SYNE3: variants seen among roughly 807,000 people sequenced by gnomAD.
The protein encoded by SYNE3 is nesprin-3.
Under a neutral mutation model 111.2 loss-of-function variants are expected in SYNE3, and 100 were observed. The ratio of observed to expected loss-of-function variants is 0.90; its 90% CI spans 0.77 to 1.06. The LOEUF is 1.06. Ranked by LOEUF, SYNE3 falls within the 50% of genes least tolerant of loss-of-function variation. SYNE3 has a pLI of 0.00. For synonymous variants in SYNE3, 547 were observed against 533.9 expected, an observed-to-expected ratio of 1.02 and a Z score of -0.34; for missense variants, 1,160 against 1,240.3, an observed-to-expected ratio of 0.94 and a Z score of 0.97.
Position 95,439,732 on chromosome 14 carries a change from G to A in SYNE3, c.2126C>T (p.Ala709Val), listed in dbSNP as rs144196871. 1.5e-5 allele frequency: 25 copies of A among 1,613,958 alleles called. No individual in the cohort carries two copies. Among genetic ancestry groups the A allele is most frequent in the Middle Eastern group, 1.6e-4 (1 of 6,084 alleles). Residue 709 changes from alanine to valine, a missense_variant, in exon 13 of 18, where the codon GCG becomes GTG. By Grantham distance (64) the Ala-to-Val change is moderately conservative. Coordinates refer to ENST00000682763, the MANE Select transcript of SYNE3 (RefSeq NM_152592.6). ...EKEAQLSLVE[A>V]QGWLVMEKSS... ...CTTCTCCATCACCAGCCAGCCCTGC[G>A]CTTCCACCAGGGACAGCTGGGCCTC...
At chr14:95,458,454 G>C (rs1306049132) in intron 4 of SYNE3, among the ~76,000 whole-genome samples, 1 of 152,198 alleles carries the variant, frequency 6.6e-6, no homozygotes, top group East Asian at 1.9e-4. Context: ...CCCTAAAACA[G>C]AGCCTGGCAG....
At position 95,410,934 on chromosome 14, in the gene SYNE3, G is replaced by A. The variant is rs1903418473; in HGVS notation, c.*6892C>T. The A allele has an allele frequency of 6.6e-6, 1 of 152,318 alleles. No individual in the cohort carries two copies. Among genetic ancestry groups the A allele is most frequent in the Admixed American group, 6.5e-5 (1 of 15,278 alleles). The allele number at this position is 152,318 out of a possible 1,614,324, so 9.4% of individuals were successfully genotyped here. On this transcript the variant is annotated 3_prime_UTR_variant, in exon 18 of 18. Coordinates refer to ENST00000682763, the MANE Select transcript of SYNE3 (RefSeq NM_152592.6). ...AATGTCACACAGCCCATCAGCAGCA[G>A]AGTTCCAACTCAACCCTGTCTAGTG...
In SYNE3 at chr14:95,410,795, T is replaced by C. The variant is rs1903414447; in HGVS notation, c.*7031A>G. ...TGAATCTAGGGATTTCTCTTCCAGA[T>C]GCGAGCCCACGCGCACAATCCTAGG... On this transcript the variant is annotated 3_prime_UTR_variant, in exon 18 of 18. Coordinates refer to ENST00000682763, the MANE Select transcript of SYNE3 (RefSeq NM_152592.6). 6.6e-6 allele frequency: 1 copy of C among 152,216 alleles called. No homozygotes were observed. Among genetic ancestry groups the C allele is most frequent in the Non-Finnish European group, 1.5e-5 (1 of 68,052 alleles). The allele number at this position is 152,216 out of a possible 1,614,324, so 9.4% of individuals were successfully genotyped here. A position where few individuals can be genotyped will look rare whatever the true frequency, so the allele number is the denominator to read the frequency against.
chr14:95,418,892 G>A (rs780528034), intron 17 of SYNE3, among the ~76,000 whole-genome samples: 3 of 151,972 alleles, frequency 2.0e-5, no homozygotes, highest in Non-Finnish European at 4.4e-5. Context: ...GTGAGCCACC[G>A]CGCCTGGCCC....
chr14:95,444,893 A>T lies in SYNE3; in HGVS notation c.1633-265T>A, dbSNP rs370663753. On this transcript the variant is annotated intron_variant, in intron 9 of 17. Transcript: ENST00000682763. Reference sequence around the variant, plus strand: ...CCCCTCCACCCACCGACCAAATCCCACCAGAGGCCTGTTTTTGTAAATAAA... The same window carrying T: ...CCCCTCCACCCACCGACCAAATCCCTCCAGAGGCCTGTTTTTGTAAATAAA... Among the ~76,000 whole-genome samples, 74 of 152,124 alleles carry T rather than the reference A, an allele frequency of 4.9e-4. 1 individual carries two copies. Among genetic ancestry groups the T allele is most frequent in the African/African-American group, 1.7e-3 (71 of 41,500 alleles).
chr14:95,452,240 C>T lies in SYNE3; in HGVS notation c.1274+7G>A. ...TGAGTCCCACCACCCTTGGCCTTCCCAGATACCTCTGATACTCCTGGATGG... is the reference window on the plus strand; with the variant it reads ...TGAGTCCCACCACCCTTGGCCTTCCTAGATACCTCTGATACTCCTGGATGG... On this transcript the variant is annotated splice_region_variant and intron_variant, in intron 7 of 17. Transcript: ENST00000682763. The T allele has an allele frequency of 6.3e-7, 1 of 1,587,188 alleles. No individual in the cohort carries two copies. Among genetic ancestry groups the T allele is most frequent in the Non-Finnish European group, 8.6e-7 (1 of 1,160,736 alleles).
At chr14:95,493,344 C>T (rs1889936956) in intron 1 of SYNE3, among the ~76,000 whole-genome samples, 2 of 152,156 alleles carry the variant, frequency 1.3e-5, no homozygotes, top group South Asian at 2.1e-4. Flanking sequence ...TAATCATCCC[C>T]GTATCAGAGA....
intron 15 of SYNE3, 57 bp from the exon 16 acceptor site, chr14:95,433,466 T>C: frequency 6.2e-7 from 1 of 1,600,522 alleles, no homozygotes; most frequent in Non-Finnish European, 8.5e-7. Flanking sequence ...CAGCCCCACC[T>C]GAATGGTAAG....
At chr14:95,448,873 AG>A (rs1886877562) in intron 8 of SYNE3, among the ~76,000 whole-genome samples, 1 of 152,204 alleles carries the variant, frequency 6.6e-6, no homozygotes, top group African/African-American at 2.4e-5. Context: ...AAGGGGATGG[AG>A]AAATTGCCCC....
At chr14:95,420,312 C>A (rs772349613) in intron 17 of SYNE3, among the ~76,000 whole-genome samples, 1 of 152,090 alleles carries the variant, frequency 6.6e-6, no homozygotes, top group Non-Finnish European at 1.5e-5. Flanking sequence ...ACCCATGAGA[C>A]CCACCCAGGG....
At chr14:95,484,028 C>T (rs1889406744) in intron 1 of SYNE3, among the ~76,000 whole-genome samples, 1 of 152,152 alleles carries the variant, frequency 6.6e-6, no homozygotes, top group African/African-American at 2.4e-5. Context: ...GCACCTGCTT[C>T]TCCAGATACG....
rs1364244038 is a variant in SYNE3 at position 95,467,715 on chromosome 14, T to G, written c.317+80A>C. ...ATCCCAGGACTGGAGAAATGTCTCT[T>G]GGGCAGAGGGCCCAAGCTAGTGTCA... On this transcript the variant is annotated intron_variant, in intron 3 of 17. Transcript: ENST00000682763. 4 of 1,545,616 alleles carry G rather than the reference T, an allele frequency of 2.6e-6. No homozygotes were observed. The East Asian group carries it at 9.3e-5, about 36-fold the overall frequency.
At position 95,456,006 on chromosome 14, in the gene SYNE3, T is replaced by C. The variant is rs149673174; in HGVS notation, c.790-282A>G. The C allele has an allele frequency of 4.3e-5, 19 of 442,024 alleles. No homozygotes were observed. In the East Asian group the frequency reaches 6.0e-4, roughly 14 times the overall value. The allele number at this position is 442,024 out of a possible 1,614,324, so 27.4% of individuals were successfully genotyped here. On this transcript the variant is annotated intron_variant, in intron 5 of 17. Coordinates refer to ENST00000682763, the MANE Select transcript of SYNE3 (RefSeq NM_152592.6). ...CTTCTGTCTTGAACACTTTCTGACATTTGTTTATCTTCCTTTCCATGCCTT... is the reference window on the plus strand; with the variant it reads ...CTTCTGTCTTGAACACTTTCTGACACTTGTTTATCTTCCTTTCCATGCCTT...
rs780110039 is a variant in SYNE3, at chr14:95,455,618, G to T, written c.896C>A (p.Thr299Asn). The T allele has an allele frequency of 6.2e-7, 1 of 1,614,202 alleles. No homozygotes were observed. The highest frequency in any genetic ancestry group is 1.3e-5 in the African/African-American group (1 of 75,054). Residue 299 changes from threonine to asparagine, a missense_variant, in exon 6 of 18, where the codon ACC becomes AAC. Thr to Asn is a moderately conservative substitution (Grantham distance 65, BLOSUM62 0). Transcript: ENST00000682763. ...TTTCCTCATCTCTTCCAGTTCTCCG[G>T]TGATCTTCTCTGCACCCAAAGGAGA... ...NTSPLGAEKI[T>N]GELEEMRKVL...
chr14:95,418,537 C>T (rs750136961), intron 17 of SYNE3, among the ~76,000 whole-genome samples: 4 of 152,150 alleles, frequency 2.6e-5, no homozygotes, highest in African/African-American at 7.2e-5. Flanking sequence ...AATTTATCAT[C>T]GTCACTTTCT....
intron 1 of SYNE3, among the ~76,000 whole-genome samples, chr14:95,503,239 T>C (rs1196605413): frequency 1.3e-5 from 2 of 152,258 alleles, no homozygotes; most frequent in Non-Finnish European, 2.9e-5. Context: ...TTAACTTCTC[T>C]GGGCCTCACC....
Position 95,412,455 on chromosome 14 carries a change from G to C in SYNE3, c.*5371C>G, listed in dbSNP as rs781350220. 3.3e-5 allele frequency: 5 copies of C among 152,284 alleles called. No homozygotes were observed. Among genetic ancestry groups the C allele is most frequent in the Non-Finnish European group, 5.9e-5 (4 of 68,084 alleles). 9.4% of individuals were successfully genotyped at this position (152,284 alleles called of 1,614,324 possible). On this transcript the variant is annotated 3_prime_UTR_variant, in exon 18 of 18. Coordinates refer to ENST00000682763, the MANE Select transcript of SYNE3 (RefSeq NM_152592.6). ...CCCCGAATCTCCCAGCACAAAGCCTGGCACAGGCTGGAGAATGCTTGTTGC... is the reference window on the plus strand; with the variant it reads ...CCCCGAATCTCCCAGCACAAAGCCTCGCACAGGCTGGAGAATGCTTGTTGC...
chr14:95,439,905 C>T lies in SYNE3; in HGVS notation c.2073+9G>A, dbSNP rs1886313671. On this transcript the variant is annotated intron_variant, in intron 12 of 17. Transcript: ENST00000682763. ...CTTTGGGAAGTGGGTGAGGGAACCA[C>T]CGCCTTACCTCAAACTCGGCCTCTT... is the stretch of plus-strand genomic sequence containing the variant. 2 of 1,609,280 alleles carry T rather than the reference C, an allele frequency of 1.2e-6. No homozygotes were observed. Among genetic ancestry groups the T allele is most frequent in the South Asian group, 2.2e-5 (2 of 90,194 alleles).
chr14:95,452,477 G>T, intron 6 of SYNE3, 94 bp from the exon 7 acceptor site: 1 of 1,414,776 alleles, frequency 7.1e-7, no homozygotes. Context: ...GTGGAGGTGG[G>T]CTAGGCTAGG....
Sources: gnomAD v4.1 joint callset for allele counts (sites outside exome capture counted in the v4.1 genomes callset) on GRCh38, gnomAD v4.1.1 for gene constraint, MANE v1.5 for transcripts, NCBI Gene and HGNC (gene_info 2026-07-23, HGNC 2026-07-21) for gene names.